DLGAP1: variants seen among roughly 807,000 people sequenced by gnomAD.
The protein encoded by DLGAP1 is DLG associated protein 1.
A neutral mutation model predicts 90.8 loss-of-function variants in DLGAP1; 11 were observed. The observed-to-expected ratio is 0.12, with a 90% CI of 0.08 to 0.20. The LOEUF (loss-of-function observed/expected upper bound fraction) is 0.20, where lower values mean the gene tolerates loss of function less well. DLGAP1 is among the 10% of genes least tolerant of loss of function. The pLI, the probability that DLGAP1 is intolerant of heterozygous loss-of-function variation, is 1.00. For missense variants in DLGAP1, 1,050 were observed against 1,333.8 expected, an observed-to-expected ratio of 0.79 and a Z score of 3.31; for synonymous variants, 558 against 540.7, an observed-to-expected ratio of 1.03 and a Z score of -0.44.
Position 3,580,361 on chromosome 18 carries a change from G to A in DLGAP1, c.1965+1514C>T, listed in dbSNP as rs188316190. 7.7e-5 allele frequency: 125 copies of A among 1,613,894 alleles called. No individual in the cohort carries two copies. The African/African-American group carries it at 1.4e-3, about 18-fold the overall frequency. On this transcript the variant is annotated intron_variant, in intron 8 of 12. Transcript: ENST00000315677. The stretch of plus-strand genomic sequence containing the variant: ...GAAATGTAGTTTTGCCACAGACTCG[G>A]GGCTCGAATTTCAGAGCCACATACC...
intron 5 of DLGAP1, among the ~76,000 whole-genome samples, chr18:3,785,308 G>A (rs1598739554): frequency 6.6e-6 from 1 of 152,280 alleles, no homozygotes; most frequent in Middle Eastern, 3.4e-3. Context: ...GATGCTGGAG[G>A]GGACAGCCTG....
intron 2 of DLGAP1, among the ~76,000 whole-genome samples, chr18:4,105,921 A>C (rs1198573128): frequency 6.6e-6 from 1 of 150,830 alleles, no homozygotes; most frequent in Non-Finnish European, 1.5e-5. Context: ...AGTCCCAGCT[A>C]CTCGGGAGGC....
intron 3 of DLGAP1, among the ~76,000 whole-genome samples, chr18:3,948,815 T>C (rs1245954223): frequency 6.6e-6 from 1 of 152,004 alleles, no homozygotes; most frequent in Non-Finnish European, 1.5e-5. Context: ...CAAATTGGGT[T>C]CAGTGTATAC....
chr18:3,590,129 C>T (rs755065470), intron 7 of DLGAP1, among the ~76,000 whole-genome samples: 1 of 152,102 alleles, frequency 6.6e-6, no homozygotes, highest in Non-Finnish European at 1.5e-5. Flanking sequence ...AGGCTGGTCT[C>T]GAACTCCTGA....
chr18:3,720,427 T>C (rs970518045), intron 7 of DLGAP1, among the ~76,000 whole-genome samples: 2 of 152,230 alleles, frequency 1.3e-5, no homozygotes, highest in Non-Finnish European at 2.9e-5. Flanking sequence ...AATGCCGTTA[T>C]AGTAAAATCA....
At chr18:4,185,448 C>T (rs374317309) in intron 1 of DLGAP1, among the ~76,000 whole-genome samples, 50 of 152,058 alleles carry the variant, frequency 3.3e-4, no homozygotes, top group African/African-American at 9.9e-4. Flanking sequence ...GTCTTTCATT[C>T]GCCTCTGTAT....
At chr18:3,942,385 G>A (rs1184197253) in intron 3 of DLGAP1, among the ~76,000 whole-genome samples, 1 of 152,190 alleles carries the variant, frequency 6.6e-6, no homozygotes, top group African/African-American at 2.4e-5. Flanking sequence ...CTGCACAGTC[G>A]GAGCTTTCCA....
intron 1 of DLGAP1, among the ~76,000 whole-genome samples, chr18:4,309,170 G>C (rs893596791): frequency 6.6e-6 from 1 of 152,184 alleles, no homozygotes; most frequent in Non-Finnish European, 1.5e-5. Flanking sequence ...ACAGTTTCTG[G>C]TGATAGCATC....
intron 3 of DLGAP1, among the ~76,000 whole-genome samples, chr18:3,907,060 T>C (rs538124614): frequency 6.6e-6 from 1 of 152,224 alleles, no homozygotes; most frequent in Non-Finnish European, 1.5e-5. Flanking sequence ...TGGGAGGATA[T>C]GCATATGCAA....
chr18:3,520,778 C>A (rs1218524715), intron 10 of DLGAP1, among the ~76,000 whole-genome samples: 1 of 152,216 alleles, frequency 6.6e-6, no homozygotes, highest in Non-Finnish European at 1.5e-5. Flanking sequence ...TTATTACATT[C>A]CCTTTAAATC....
intron 7 of DLGAP1, among the ~76,000 whole-genome samples, chr18:3,697,837 C>T (rs1361910468): frequency 6.6e-6 from 1 of 152,140 alleles, no homozygotes; most frequent in Non-Finnish European, 1.5e-5. Flanking sequence ...TTGTAGGTCT[C>T]TAAGAACTTG....
At position 3,581,970 on chromosome 18, in the gene DLGAP1, T is replaced by C; in HGVS notation, c.1870A>G (p.Thr624Ala). The C allele has an allele frequency of 1.9e-6, 3 of 1,614,124 alleles. No homozygotes were observed. The highest frequency in any genetic ancestry group is 1.1e-5 in the South Asian group (1 of 91,086). The change falls in exon 8 of 13, where the codon ACC (threonine) becomes GCC (alanine). Residue 624 changes from threonine (T) to alanine (A), a missense_variant. Physicochemically the swap from Thr to Ala is moderately conservative, Grantham distance 58. Transcript: ENST00000315677. The part of the protein sequence containing the change: ...ASQHMGNNTA[T>A]VTTTTTIATV... Reference sequence around the variant, plus strand: ...GCTATGGTAGTCGTGGTGGTGACGGTGGCAGTGTTATTGCCCATGTGTTGA... The same window carrying C: ...GCTATGGTAGTCGTGGTGGTGACGGCGGCAGTGTTATTGCCCATGTGTTGA...
chr18:4,355,582 C>T (rs1489929765), intron 1 of DLGAP1, among the ~76,000 whole-genome samples: 1 of 152,038 alleles, frequency 6.6e-6, no homozygotes, highest in Non-Finnish European at 1.5e-5. Context: ...CACTGTCTCA[C>T]ACACACTCAC....
At chr18:3,561,778 T>C (rs2054132706) in intron 9 of DLGAP1, among the ~76,000 whole-genome samples, 1 of 150,958 alleles carries the variant, frequency 6.6e-6, no homozygotes, top group Non-Finnish European at 1.5e-5. Flanking sequence ...CCTCGCTATG[T>C]TGCTATTAGT....
At chr18:4,093,434 T>C (rs751579822) in intron 2 of DLGAP1, among the ~76,000 whole-genome samples, 27 of 152,324 alleles carry the variant, frequency 1.8e-4, no homozygotes, top group Non-Finnish European at 3.2e-4. Flanking sequence ...GATGAGAATA[T>C]GGGAAGCCTA....
chr18:3,534,284 G>A lies in DLGAP1; in HGVS notation c.2389C>T (p.Leu797=), dbSNP rs34171157. ...SVCHRDGHWF[L]KLLQAERDRM... is the part of the protein sequence containing the mutation. The stretch of plus-strand genomic sequence containing the variant: ...TCTCGCTCTGCCTGGAGAAGCTTCA[G>A]GAACCAGTGGCCATCCCGGTGGCAC... Residue 797 remains leucine (L), a synonymous_variant, in exon 10 of 13, where the codon CTG becomes TTG. Transcript: ENST00000315677. The A allele has an allele frequency of 0.018, 28,712 of 1,614,218 alleles. 318 individuals carry two copies. The highest frequency in any genetic ancestry group is 0.03 in the South Asian group (2,696 of 91,092).
intron 7 of DLGAP1, among the ~76,000 whole-genome samples, chr18:3,591,160 G>A (rs994120746): frequency 7.2e-5 from 11 of 152,108 alleles, no homozygotes; most frequent in African/African-American, 2.7e-4. Flanking sequence ...AGGGAACAGG[G>A]CAGAGGTAGT....
At chr18:3,862,620 G>A (rs1052836479) in intron 4 of DLGAP1, among the ~76,000 whole-genome samples, 3 of 152,194 alleles carry the variant, frequency 2.0e-5, no homozygotes, top group Admixed American at 2.0e-4. Context: ...CCAGCACAAT[G>A]GCCAGCAGGT....
intron 1 of DLGAP1, among the ~76,000 whole-genome samples, chr18:4,434,407 T>C (rs2083355544): frequency 6.6e-6 from 1 of 152,186 alleles, no homozygotes; most frequent in African/African-American, 2.4e-5. Context: ...GTTCTGCACC[T>C]GGTTTTCTGA....
Sources: gnomAD v4.1 joint callset for allele counts (sites outside exome capture counted in the v4.1 genomes callset) on GRCh38, gnomAD v4.1.1 for gene constraint, MANE v1.5 for transcripts, NCBI Gene and HGNC (gene_info 2026-07-23, HGNC 2026-07-21) for gene names.